The following TESMIN variants were observed in gnomAD, a reference collection of about 807,000 sequenced individuals.
TESMIN encodes the protein testis expressed metallothionein like protein, also known as CXC domain containing 2.
A neutral mutation model predicts 47.4 loss-of-function variants in TESMIN; 34 were observed. That is an observed-to-expected ratio of 0.72 (90% CI 0.55 to 0.96). The LOEUF (loss-of-function observed/expected upper bound fraction) is 0.96, where lower values mean the gene tolerates loss of function less well. Ranked by LOEUF, TESMIN falls within the 40% of genes least tolerant of loss-of-function variation. The probability of loss-of-function intolerance (pLI) is 0.00; values close to 1 mark genes in which losing one functional copy is unlikely to be tolerated. For synonymous variants in TESMIN, 278 were observed against 258.9 expected (o/e 1.07, Z -0.71); for missense variants, 610 against 637.2 (o/e 0.96, Z 0.46).
chr11:68,750,201 G>C lies in TESMIN; in HGVS notation c.460C>G (p.Arg154Gly). 1 of 1,487,660 alleles carries C rather than the reference G, an allele frequency of 6.7e-7. No homozygotes were observed. Among genetic ancestry groups the C allele is most frequent in the Non-Finnish European group, 8.8e-7 (1 of 1,131,026 alleles). 92.2% of individuals were successfully genotyped at this position (1,487,660 alleles called of 1,614,324 possible). The change falls in exon 2 of 10, where the codon CGC becomes GGC. Residue 154 changes from arginine to glycine, a missense_variant. Transcript: ENST00000255087. ...CAGGCGGTTCTTACTGGGATCATGC[G>C]GACGCCCGGGTGGGAGGCTCCTTCC... ...VLEGASHPGV[R>G]MIPVEIKEAG...
At chr11:68,727,231 A>G (rs1946275330) in intron 6 of TESMIN, among the ~76,000 whole-genome samples, 1 of 152,224 alleles carries the variant, frequency 6.6e-6, no homozygotes, top group Non-Finnish European at 1.5e-5. Context: ...TCTTGAGGCC[A>G]GGAGTTCAAG....
chr11:68,723,916 C>T (rs1555223547), intron 6 of TESMIN, among the ~76,000 whole-genome samples: 1 of 151,970 alleles, frequency 6.6e-6, no homozygotes, highest in Non-Finnish European at 1.5e-5. Flanking sequence ...GACATCAGAC[C>T]CAGACAGTTT....
intron 7 of TESMIN, among the ~76,000 whole-genome samples, chr11:68,715,211 C>T (rs907923665): frequency 6.6e-6 from 1 of 152,214 alleles, no homozygotes; most frequent in Non-Finnish European, 1.5e-5. Context: ...AGTAGGTTGA[C>T]AGCCTTGAGC....
chr11:68,733,684 C>T (rs891886985), intron 6 of TESMIN: 3 of 152,182 alleles, frequency 2.0e-5, no homozygotes, highest in Admixed American at 6.5e-5. Flanking sequence ...GGTACAGTTA[C>T]ATGGCTTTTT....
rs1268608219 is a variant in TESMIN at position 68,708,166 on chromosome 11, C to T, written c.*142G>A. The T allele has an allele frequency of 2.6e-6, 2 of 773,670 alleles. No homozygotes were observed. The highest frequency in any genetic ancestry group is 5.3e-5 in the East Asian group (2 of 37,858). The allele number at this position is 773,670 out of a possible 1,614,324, so 47.9% of individuals were successfully genotyped here. On this transcript the variant is annotated 3_prime_UTR_variant, in exon 10 of 10. Coordinates refer to ENST00000255087, the MANE Select transcript of TESMIN (RefSeq NM_004923.3). ...CATGGGTTGCCACATCTTCAGAGAG[C>T]TCTGAGTAAACTCCCTGGGCCCAGG...
chr11:68,736,321 C>T, intron 6 of TESMIN: 1 of 985,380 alleles, frequency 1.0e-6, no homozygotes, highest in Non-Finnish European at 1.2e-6. Flanking sequence ...AGCCAGTTCA[C>T]CCCCCAACCC....
At chr11:68,736,095 T>A in intron 6 of TESMIN, 5 of 985,382 alleles carry the variant, frequency 5.1e-6, no homozygotes, top group Non-Finnish European at 6.0e-6. Flanking sequence ...CACAACAAGA[T>A]AACCTCATCT....
chr11:68,742,881 C>G (rs1220170201), intron 4 of TESMIN, among the ~76,000 whole-genome samples: 1 of 145,598 alleles, frequency 6.9e-6, no homozygotes, highest in Non-Finnish European at 1.5e-5. Context: ...TTTTTTTTTT[C>G]TTTTTGCTTT....
rs184234795 is a variant in TESMIN, at chr11:68,740,184, C to G, written c.829-1396G>C. On this transcript the variant is annotated intron_variant, in intron 5 of 9. Coordinates refer to ENST00000255087, the MANE Select transcript of TESMIN (RefSeq NM_004923.3). ...AAATCTGATTCAGGGGGTCTGAATC[C>G]CAGGTTTGGGGTGGAACCTGAGGTT... Among the ~76,000 whole-genome samples the G allele has an allele frequency of 5.7e-3, 866 of 152,118 alleles. 10 individuals are homozygous for G. Among genetic ancestry groups the G allele is most frequent in the African/African-American group, 0.02 (814 of 41,468 alleles).
rs189732381 is a variant in TESMIN, at chr11:68,731,296, C to T, written c.917+7404G>A. 3.3e-3 allele frequency among the ~76,000 whole-genome samples: 505 copies of T among 152,224 alleles called. 2 individuals carry two copies. The highest frequency in any genetic ancestry group is 5.8e-3 in the Non-Finnish European group (396 of 67,998). On this transcript the variant is annotated intron_variant, in intron 6 of 9. Coordinates refer to ENST00000255087, the MANE Select transcript of TESMIN (RefSeq NM_004923.3). ...ACAAAAAATTAGCTGGGCATGAGGG[C>T]GCATGCCTGTAATTCCAGCTACTTT...
At chr11:68,713,232 G>C (rs1472116439) in intron 8 of TESMIN, 38 bp downstream of exon 8, 1 of 1,579,044 alleles carries the variant, frequency 6.3e-7, no homozygotes, top group Admixed American at 1.8e-5. Flanking sequence ...ATATTTACCT[G>C]TGTTTTTTGT....
chr11:68,713,874 C>A (rs909528233), intron 7 of TESMIN, among the ~76,000 whole-genome samples: 1 of 152,024 alleles, frequency 6.6e-6, no homozygotes, highest in East Asian at 1.9e-4. Context: ...CAGCAACTAA[C>A]GTATGATTGT....
chr11:68,740,509 G>A (rs1312429945), intron 5 of TESMIN, among the ~76,000 whole-genome samples: 1 of 152,174 alleles, frequency 6.6e-6, no homozygotes, highest in Non-Finnish European at 1.5e-5. Flanking sequence ...CAAGTACAAT[G>A]TGTGCCTTCT....
At chr11:68,708,579 A>C in intron 9 of TESMIN, 79 bp from the exon 10 acceptor site, 1 of 1,244,874 alleles carries the variant, frequency 8.0e-7, no homozygotes, top group Non-Finnish European at 1.1e-6. Context: ...TCAACAGAAC[A>C]TTGCTTGTCC....
At chr11:68,742,652 T>C (rs1312152529) in intron 4 of TESMIN, among the ~76,000 whole-genome samples, 1 of 152,150 alleles carries the variant, frequency 6.6e-6, no homozygotes, top group Non-Finnish European at 1.5e-5. Flanking sequence ...TCTACTAGGC[T>C]AAAACAATGT....
chr11:68,707,943 C>T lies in TESMIN; in HGVS notation c.*365G>A. 2.2e-6 allele frequency: 1 copy of T among 459,896 alleles called. No homozygotes were observed. Among genetic ancestry groups the T allele is most frequent in the South Asian group, 1.6e-5 (1 of 62,412 alleles). 28.5% of individuals were successfully genotyped at this position (459,896 alleles called of 1,614,324 possible). On this transcript the variant is annotated 3_prime_UTR_variant, in exon 10 of 10. Coordinates refer to ENST00000255087, the MANE Select transcript of TESMIN (RefSeq NM_004923.3). ...AACATTCTCTGAGAGGAAGAGTCGA[C>T]CAGAGTGAGCTCTCCGCAGGGCCTG...
At chr11:68,708,547 C>G in intron 9 of TESMIN, 47 bp from the exon 10 acceptor site, 1 of 1,458,530 alleles carries the variant, frequency 6.9e-7, no homozygotes, top group Non-Finnish European at 9.2e-7. Flanking sequence ...TGCACCATTT[C>G]TACCTACAGT....
At chr11:68,745,226 G>GTA in intron 3 of TESMIN, 115 bp from the exon 4 acceptor site, 1 of 979,812 alleles carries the variant, frequency 1.0e-6, no homozygotes, top group Non-Finnish European at 1.4e-6. Context: ...ACATTTTAAT[G>GTA]GAAGATAGAA....
At chr11:68,740,127 G>A (rs1946438851) in intron 5 of TESMIN, among the ~76,000 whole-genome samples, 1 of 152,118 alleles carries the variant, frequency 6.6e-6, no homozygotes, top group Non-Finnish European at 1.5e-5. Context: ...TCTGCTGTGT[G>A]CACAAGTCAC....
Sources: gnomAD v4.1 joint callset for allele counts (sites outside exome capture counted in the v4.1 genomes callset) on GRCh38, gnomAD v4.1.1 for gene constraint, MANE v1.5 for transcripts, NCBI Gene and HGNC (gene_info 2026-07-23, HGNC 2026-07-21) for gene names.